Variants in POLA1 observed in about 807,000 individuals in gnomAD.
POLA1 encodes DNA polymerase alpha 1, catalytic subunit, also known as DNA polymerase alpha catalytic subunit.
A neutral mutation model predicts 124.0 loss-of-function variants in POLA1; 15 were observed. The observed-to-expected ratio is 0.12, with a 90% confidence interval of 0.08 to 0.19. POLA1 has a LOEUF of 0.19. Among genes scored for constraint, POLA1 ranks in the 10% least tolerant of loss-of-function variants. The pLI, the probability that POLA1 is intolerant of heterozygous loss-of-function variation, is 1.00. For missense variants in POLA1, 886 were observed against 1,103.4 expected (o/e 0.80, Z 2.79); for synonymous variants, 408 against 389.4 (o/e 1.05, Z -0.56).
chrX:24,849,537 A>G (rs1256184813), intron 34 of POLA1, among the ~76,000 whole-genome samples: 1 of 110,761 alleles, frequency 9.0e-6, no homozygotes, highest in Admixed American at 9.6e-5. Flanking sequence ...TGGTACGATC[A>G]TGGCTCACTG....
chrX:24,806,488 A>G (rs1341729232), intron 26 of POLA1, among the ~76,000 whole-genome samples: 2 of 110,602 alleles, frequency 1.8e-5, no homozygotes, highest in African/African-American at 6.6e-5. Flanking sequence ...TAGTGAAGAA[A>G]CATGAGAGGT....
At chrX:24,735,287 G>A (rs1177719990) in intron 17 of POLA1, 112 bp from the exon 18 acceptor site, 1 of 457,417 alleles carries the variant, frequency 2.2e-6, no homozygotes, top group Non-Finnish European at 3.9e-6. Context: ...GTTTTGAAAT[G>A]GATGGTTTCT....
At chrX:24,784,035 A>G (rs1355775524) in intron 26 of POLA1, among the ~76,000 whole-genome samples, 1 of 94,716 alleles carries the variant, frequency 1.1e-5, no homozygotes, top group Non-Finnish European at 2.2e-5. Flanking sequence ...ACCATTTATC[A>G]TTTTATCTGC....
chrX:24,890,065 T>A (rs1440249152), intron 35 of POLA1, among the ~76,000 whole-genome samples: 3 of 100,754 alleles, frequency 3.0e-5, no homozygotes, highest in African/African-American at 1.1e-4. Context: ...ATTTTTTCTG[T>A]GTTGTACTTC....
At chrX:24,728,060 A>T (rs1190049007) in intron 15 of POLA1, 124 bp downstream of exon 15, 1 of 484,402 alleles carries the variant, frequency 2.1e-6, no homozygotes, top group East Asian at 3.8e-5. Flanking sequence ...TTCACTACTA[A>T]ACTCTTATAG....
chrX:24,882,684 G>GGCGT (rs1267772499), intron 34 of POLA1, among the ~76,000 whole-genome samples: 2 of 87,610 alleles, frequency 2.3e-5, no homozygotes, highest in Non-Finnish European at 4.4e-5. Flanking sequence ...TATATTCCAT[G>GGCGT]GTGTGTGTGT....
chrX:24,788,807 G>T, intron 26 of POLA1: 2 of 1,197,222 alleles, frequency 1.7e-6, no homozygotes, highest in Non-Finnish European at 2.3e-6. Flanking sequence ...TCCACTTCCT[G>T]TAGTGTCTTC....
intron 36 of POLA1, among the ~76,000 whole-genome samples, chrX:24,993,584 G>A (rs1272021526): frequency 1.8e-5 from 2 of 111,766 alleles, no homozygotes; most frequent in African/African-American, 6.5e-5. Flanking sequence ...CAGAAACAGG[G>A]TAACAGTTTA....
chrX:24,864,257 C>T (rs2046760846), intron 34 of POLA1, among the ~76,000 whole-genome samples: 1 of 111,530 alleles, frequency 9.0e-6, no homozygotes. Context: ...ACTAGGATTA[C>T]AGGCGTGAGC....
At chrX:24,986,177 A>T (rs1214065787) in intron 36 of POLA1, among the ~76,000 whole-genome samples, 2 of 111,085 alleles carry the variant, frequency 1.8e-5, no homozygotes, top group African/African-American at 6.6e-5. Flanking sequence ...CATCTCAAAA[A>T]AAAAGAAAGG....
chrX:24,885,775 C>T (rs2047057544), intron 34 of POLA1, among the ~76,000 whole-genome samples: 1 of 111,970 alleles, frequency 8.9e-6, no homozygotes, highest in African/African-American at 3.3e-5. Context: ...CTGCCCGCCT[C>T]GGCCTCCCAA....
chrX:24,716,587 T>C, intron 7 of POLA1, 133 bp downstream of exon 7: 1 of 448,545 alleles, frequency 2.2e-6, no homozygotes. Flanking sequence ...TCCCATTCAA[T>C]TTATAGTTTC....
chrX:24,969,081 G>A (rs886391843), intron 36 of POLA1, among the ~76,000 whole-genome samples: 3 of 110,088 alleles, frequency 2.7e-5, no homozygotes, highest in African/African-American at 6.6e-5. Context: ...GGTGGCACAC[G>A]CCTGTAGTCC....
chrX:24,742,164 C>G (rs779863324), intron 22 of POLA1, 43 bp downstream of exon 22: 5 of 867,728 alleles, frequency 5.8e-6, no homozygotes, highest in East Asian at 4.7e-5. Context: ...TCTTAACCCC[C>G]CCCCCCCTTT....
intron 36 of POLA1, among the ~76,000 whole-genome samples, chrX:24,931,685 TAAC>T (rs1232246904): frequency 8.9e-6 from 1 of 112,190 alleles, no homozygotes; most frequent in Admixed American, 9.4e-5. Flanking sequence ...TGCCTATTAA[TAAC>T]TAAGTTTTAG....
chrX:24,856,136 C>A (rs1171633746), intron 34 of POLA1, among the ~76,000 whole-genome samples: 1 of 111,524 alleles, frequency 9.0e-6, no homozygotes, highest in East Asian at 2.8e-4. Context: ...GAAAACAGTT[C>A]CTACAAAAAC....
At chrX:24,889,473 A>G (rs2047114806) in intron 35 of POLA1, among the ~76,000 whole-genome samples, 1 of 112,287 alleles carries the variant, frequency 8.9e-6, no homozygotes, top group Non-Finnish European at 1.9e-5. Flanking sequence ...ATAATGTGCA[A>G]TCTGTCTCAC....
intron 26 of POLA1, among the ~76,000 whole-genome samples, chrX:24,763,537 G>C (rs758861265): frequency 9.0e-6 from 1 of 111,366 alleles, no homozygotes; most frequent in Admixed American, 9.5e-5. Flanking sequence ...TACTTTGGGA[G>C]AGAGGAGAGA....
At chrX:24,804,235 A>G (rs1355284733) in intron 26 of POLA1, among the ~76,000 whole-genome samples, 1 of 111,439 alleles carries the variant, frequency 9.0e-6, no homozygotes, top group African/African-American at 3.3e-5. Flanking sequence ...TAGGAAAAAG[A>G]CAATCTAATA....
Sources: allele counts gnomAD v4.1 joint callset (sites outside exome capture counted in the v4.1 genomes callset), GRCh38; gene constraint gnomAD v4.1.1; transcripts MANE v1.5; gene names NCBI Gene and HGNC (gene_info 2026-07-23, HGNC 2026-07-21).